EFCAB8: variants seen among roughly 807,000 people sequenced by gnomAD.
EFCAB8 encodes EF-hand calcium-binding domain-containing protein 8.
EFCAB8 carries 100 observed loss-of-function variants against 116.3 expected under a neutral mutation model. The observed-to-expected ratio is 0.86, with a 90% CI of 0.73 to 1.02. EFCAB8 has a LOEUF of 1.02. EFCAB8 is among the 50% of genes least tolerant of loss of function. The probability of loss-of-function intolerance (pLI) is 0.00; values close to 1 mark genes in which losing one functional copy is unlikely to be tolerated. For synonymous variants in EFCAB8, 558 were observed against 567.9 expected, an observed-to-expected ratio of 0.98 and a Z score of 0.25; for missense variants, 1,320 against 1,416.9, an observed-to-expected ratio of 0.93 and a Z score of 1.10.
intron 5 of EFCAB8, among the ~76,000 whole-genome samples, chr20:32,884,037 G>A (rs1030468355): frequency 6.6e-6 from 1 of 152,110 alleles, no homozygotes; most frequent in African/African-American, 2.4e-5. Flanking sequence ...TGCCCGGTCA[G>A]GTCTTTCTAT....
At chr20:32,931,122 T>A in intron 21 of EFCAB8, 56 bp from the exon 22 acceptor site, 1 of 1,389,614 alleles carries the variant, frequency 7.2e-7, no homozygotes, top group Non-Finnish European at 9.6e-7. Context: ...GCCCGCAGAG[T>A]GAGTTGGGGT....
chr20:32,949,693 A>G (rs908145167), intron 23 of EFCAB8, among the ~76,000 whole-genome samples: 1 of 152,198 alleles, frequency 6.6e-6, no homozygotes, highest in East Asian at 1.9e-4. Flanking sequence ...ACCTCACACC[A>G]CATACAAAAA....
In EFCAB8 at chr20:32,906,882, C is replaced by G; in HGVS notation, c.1196C>G (p.Pro399Arg). Residue 399 changes from proline to arginine, a missense_variant, in exon 13 of 27, where the codon CCC becomes CGC. Physicochemically the swap from Pro to Arg is moderately radical, Grantham distance 103 (BLOSUM62 -2). Coordinates refer to ENST00000400522, the MANE Select transcript of EFCAB8 (RefSeq NM_001143967.2). ...GATGCCTTCATCCGCCTGTGGAACC[C>G]CTTTGTCTCAAAGAGGCCCGTGTGG... The part of the protein sequence containing the change: ...GYDAFIRLWN[P>R]FVSKRPVWLM... 1 of 1,547,398 alleles carries G rather than the reference C, an allele frequency of 6.5e-7. No individual in the cohort carries two copies. Among genetic ancestry groups the G allele is most frequent in the Non-Finnish European group, 8.7e-7 (1 of 1,143,076 alleles).
intron 13 of EFCAB8, among the ~76,000 whole-genome samples, chr20:32,907,842 C>T (rs1376916543): frequency 6.6e-6 from 1 of 152,126 alleles, no homozygotes; most frequent in Admixed American, 6.5e-5. Context: ...GAAAGTTCCT[C>T]CACCTGGGAG....
At chr20:32,886,893 T>C (rs1426733789) in intron 6 of EFCAB8, among the ~76,000 whole-genome samples, 1 of 152,088 alleles carries the variant, frequency 6.6e-6, no homozygotes, top group Non-Finnish European at 1.5e-5. Flanking sequence ...TGAGTTCCAC[T>C]CAAGAGCTAT....
intron 14 of EFCAB8, among the ~76,000 whole-genome samples, 199 bp from the exon 15 acceptor site, chr20:32,909,622 T>C (rs1986826327): frequency 6.6e-6 from 1 of 151,688 alleles, no homozygotes; most frequent in South Asian, 2.1e-4. Flanking sequence ...GAAGGCTCAG[T>C]CTCGGGGAGC....
At chr20:32,921,126 C>G (rs1987429910) in intron 20 of EFCAB8, among the ~76,000 whole-genome samples, 1 of 152,094 alleles carries the variant, frequency 6.6e-6, no homozygotes, top group Non-Finnish European at 1.5e-5. Context: ...GCCCTGAGAG[C>G]TGGGTTTTGC....
chr20:32,882,587 C>G (rs1448375020), intron 5 of EFCAB8, among the ~76,000 whole-genome samples: 3 of 152,200 alleles, frequency 2.0e-5, no homozygotes, highest in Non-Finnish European at 4.4e-5. Flanking sequence ...GTGGCATCAT[C>G]TCAGGTCACT....
At chr20:32,879,867 G>A (rs1230561539) in intron 5 of EFCAB8, among the ~76,000 whole-genome samples, 1 of 152,118 alleles carries the variant, frequency 6.6e-6, no homozygotes, top group Admixed American at 6.6e-5. Flanking sequence ...TGCCCTATTT[G>A]GGGGTAGCAT....
At chr20:32,949,187 AGAAATT>A (rs1277216278) in intron 23 of EFCAB8, among the ~76,000 whole-genome samples, 3 of 152,368 alleles carry the variant, frequency 2.0e-5, no homozygotes, top group Middle Eastern at 3.4e-3. Context: ...ATGAACAGCC[AGAAATT>A]GAAGTAAAAG....
rs1216693551 is a variant in EFCAB8, at chr20:32,961,429, G to A, written c.3687G>A (p.Leu1229=). 4 of 1,457,178 alleles carry A rather than the reference G, an allele frequency of 2.7e-6. No individual in the cohort carries two copies. The highest frequency in any genetic ancestry group is 1.4e-5 in the African/African-American group (1 of 69,762). The allele number at this position is 1,457,178 out of a possible 1,614,324, so 90.3% of individuals were successfully genotyped here. A position where few individuals can be genotyped will look rare whatever the true frequency, so the allele number is the denominator to read the frequency against. ...TGACGCCCCAGTTCTCCTTCTTGCT[G>A]CGGCCCCAGTCAGCCTCCACAGCCC... ...TFLTPQFSFL[L]RPQSASTAHS... The change falls in exon 27 of 27, where the codon CTG becomes CTA. Residue 1229 remains leucine (L), a synonymous_variant. Transcript: ENST00000400522.
rs144333107 is a variant in EFCAB8, at chr20:32,864,756, T to C, written c.42+922T>C. Among the ~76,000 whole-genome samples the C allele has an allele frequency of 3.0e-3, 452 of 152,334 alleles. 1 individual carries two copies. Among genetic ancestry groups the C allele is most frequent in the African/African-American group, 0.01 (418 of 41,572 alleles). The stretch of plus-strand genomic sequence containing the variant: ...CCAGGTATGTATCAATTGTCTGTTA[T>C]GTGCTTGGGGCTGGGGAGTATAGAG... On this transcript the variant is annotated intron_variant, in intron 2 of 26. Transcript: ENST00000400522.
chr20:32,942,515 C>T (rs1315510396), intron 22 of EFCAB8, among the ~76,000 whole-genome samples: 18 of 150,936 alleles, frequency 1.2e-4, no homozygotes, highest in African/African-American at 4.4e-4. Flanking sequence ...AGTGAGACCC[C>T]ATCTCTAAAA....
At chr20:32,940,226 A>G (rs1192845069) in intron 22 of EFCAB8, among the ~76,000 whole-genome samples, 2 of 149,392 alleles carry the variant, frequency 1.3e-5, no homozygotes, top group Non-Finnish European at 3.0e-5. Context: ...AAAGAAAGAC[A>G]TGTAAATCAA....
In EFCAB8 at chr20:32,860,587, A is replaced by G. The variant is rs113956360; in HGVS notation, c.-11+1581A>G. On this transcript the variant is annotated intron_variant, in intron 1 of 26. Transcript: ENST00000400522. The stretch of plus-strand genomic sequence containing the variant: ...AATGGCACAGTCTTAGTTCACTGCA[A>G]CCTCCACCTCCTGGGTTCAAGCGAT... Among the ~76,000 whole-genome samples the G allele has an allele frequency of 6.1e-4, 83 of 135,396 alleles. 1 individual carries two copies. The highest frequency in any genetic ancestry group is 2.3e-3 in the African/African-American group (79 of 33,628). 88.8% of individuals were successfully genotyped at this position (135,396 alleles called of 152,430 possible).
In EFCAB8 at chr20:32,858,966, T is replaced by A. The variant is rs1247208249; in HGVS notation, c.-51T>A. On this transcript the variant is annotated 5_prime_UTR_variant, in exon 1 of 27. Transcript: ENST00000400522. ...GGAAAGTGTTAGCACTTTGCCAGAC[T>A]TTGCCAGCAAGATTAACTGAGGAGA... The A allele has an allele frequency of 2.5e-5, 12 of 471,012 alleles. No individual in the cohort carries two copies. The highest frequency in any genetic ancestry group is 2.2e-5 in the Non-Finnish European group (5 of 227,032). The allele number at this position is 471,012 out of a possible 1,614,324, so 29.2% of individuals were successfully genotyped here.
At chr20:32,864,462 G>A (rs753767281) in intron 2 of EFCAB8, among the ~76,000 whole-genome samples, 10 of 152,112 alleles carry the variant, frequency 6.6e-5, no homozygotes, top group Non-Finnish European at 1.3e-4. Flanking sequence ...CATGCCTGTG[G>A]TCCCCGCTAC....
In EFCAB8 at chr20:32,859,281, C is replaced by G. The variant is rs1209531242; in HGVS notation, c.-11+275C>G. Among the ~76,000 whole-genome samples, 75 of 152,196 alleles carry G rather than the reference C, an allele frequency of 4.9e-4. 1 individual carries two copies. Among genetic ancestry groups the G allele is most frequent in the Admixed American group, 6.5e-5 (1 of 15,276 alleles). On this transcript the variant is annotated intron_variant, in intron 1 of 26. Transcript: ENST00000400522. ...CCTTGCCCTGCCCCTCTTCCGTCAG[C>G]TCCGGACAGGTCAACTTTAGGGAAT...
At chr20:32,893,885 T>C (rs1043406861) in intron 9 of EFCAB8, among the ~76,000 whole-genome samples, 3 of 152,072 alleles carry the variant, frequency 2.0e-5, no homozygotes, top group African/African-American at 7.2e-5. Context: ...CTGCAGCCCA[T>C]AATAAGAGGC....
Sources: allele counts gnomAD v4.1 joint callset (sites outside exome capture counted in the v4.1 genomes callset), GRCh38; gene constraint gnomAD v4.1.1; transcripts MANE v1.5; gene names NCBI Gene and HGNC (gene_info 2026-07-23, HGNC 2026-07-21).